EBF2: variants seen among roughly 807,000 people sequenced by gnomAD.
EBF2 encodes the protein transcription factor COE2.
Under a neutral mutation model 72.8 loss-of-function variants are expected in EBF2, and 21 were observed. That is an observed-to-expected ratio of 0.29 (90% CI 0.20 to 0.42). EBF2 has a LOEUF of 0.42. Ranked by LOEUF, EBF2 falls within the 10% of genes least tolerant of loss-of-function variation. EBF2 has a pLI of 1.00. For missense variants in EBF2, 637 were observed against 731.2 expected (o/e 0.87, Z 1.49); for synonymous variants, 299 against 274.2 (o/e 1.09, Z -0.89).
At chr8:25,907,419 C>CAAAAAAAAAAAAAA (rs55695734) in intron 7 of EBF2, among the ~76,000 whole-genome samples, 2 of 28,874 alleles carry the variant, frequency 6.9e-5, no homozygotes, top group Non-Finnish European at 1.3e-4. Flanking sequence ...GACCCTGCCT[C>CAAAAAAAAAAAAAA]AAAAAAAAAA....
At chr8:25,892,780 G>T (rs1802807195) in intron 7 of EBF2, among the ~76,000 whole-genome samples, 2 of 152,158 alleles carry the variant, frequency 1.3e-5, no homozygotes, top group African/African-American at 4.8e-5. Context: ...TCTAATATGT[G>T]ACAGGGCCCA....
At chr8:25,920,025 A>AT (rs368212418) in intron 6 of EBF2, among the ~76,000 whole-genome samples, 28 of 149,314 alleles carry the variant, frequency 1.9e-4, no homozygotes, top group African/African-American at 4.2e-4. Flanking sequence ...TGGTTCAGGA[A>AT]TTTTTTTTTT....
chr8:25,917,647 C>A (rs1803241641), intron 6 of EBF2, among the ~76,000 whole-genome samples: 1 of 152,122 alleles, frequency 6.6e-6, no homozygotes, highest in African/African-American at 2.4e-5. Context: ...AATCTATTTC[C>A]CTTGCCAGTA....
intron 15 of EBF2, among the ~76,000 whole-genome samples, chr8:25,847,273 C>G (rs1159533329): frequency 6.6e-6 from 1 of 152,162 alleles, no homozygotes; most frequent in African/African-American, 2.4e-5. Flanking sequence ...CTGCGATCAC[C>G]CAGGCACTCA....
chr8:26,023,937 A>C (rs1278915165), intron 6 of EBF2, among the ~76,000 whole-genome samples: 1 of 152,176 alleles, frequency 6.6e-6, no homozygotes, highest in Non-Finnish European at 1.5e-5. Flanking sequence ...CTGTCTCCAA[A>C]ATACCAGCCT....
intron 5 of EBF2, among the ~76,000 whole-genome samples, chr8:26,038,039 C>T (rs1257572376): frequency 6.6e-6 from 1 of 152,216 alleles, no homozygotes; most frequent in Non-Finnish European, 1.5e-5. Context: ...TTGACTGCTA[C>T]AACTGGCTCT....
At chr8:25,994,753 CAAAT>C (rs1271057510) in intron 6 of EBF2, among the ~76,000 whole-genome samples, 1 of 152,068 alleles carries the variant, frequency 6.6e-6, no homozygotes, top group Non-Finnish European at 1.5e-5. Flanking sequence ...CACATGGACA[CAAAT>C]AAGGGAACAA....
At chr8:25,927,314 A>G (rs1803403288) in intron 6 of EBF2, among the ~76,000 whole-genome samples, 1 of 150,508 alleles carries the variant, frequency 6.6e-6, no homozygotes, top group Non-Finnish European at 1.5e-5. Flanking sequence ...ATATATCTAG[A>G]TATCATGTAT....
intron 6 of EBF2, among the ~76,000 whole-genome samples, chr8:26,005,175 G>C (rs1394576752): frequency 3.1e-5 from 4 of 127,660 alleles, no homozygotes; most frequent in African/African-American, 6.0e-5. Context: ...TAAGAAGTTA[G>C]TTAGATATAA....
chr8:25,866,222 C>A (rs1473123465), intron 10 of EBF2, among the ~76,000 whole-genome samples: 1 of 151,662 alleles, frequency 6.6e-6, no homozygotes, highest in African/African-American at 2.4e-5. Flanking sequence ...TAAAACTTCC[C>A]AAACAATGCC....
intron 1 of EBF2, among the ~76,000 whole-genome samples, chr8:26,043,591 G>T (rs1179351498): frequency 4.6e-5 from 7 of 152,246 alleles, no homozygotes; most frequent in African/African-American, 1.7e-4. Context: ...CCACAGGAGG[G>T]AGGGAACCGC....
intron 6 of EBF2, among the ~76,000 whole-genome samples, chr8:26,008,641 A>AC (rs1804922456): frequency 6.6e-6 from 1 of 152,128 alleles, no homozygotes; most frequent in Non-Finnish European, 1.5e-5. Context: ...TTCCCATTTG[A>AC]TTTTTTCCTT....
At chr8:26,022,763 A>C (rs1805224172) in intron 6 of EBF2, among the ~76,000 whole-genome samples, 1 of 152,194 alleles carries the variant, frequency 6.6e-6, no homozygotes. Flanking sequence ...AGGTTACAAC[A>C]AAACTTCTTG....
intron 5 of EBF2, among the ~76,000 whole-genome samples, chr8:26,038,706 C>A (rs1805547008): frequency 6.6e-6 from 1 of 152,222 alleles, no homozygotes; most frequent in Admixed American, 6.5e-5. Flanking sequence ...GAGTATCTAT[C>A]TTCTTACTCC....
chr8:26,021,602 CT>C (rs1246726678), intron 6 of EBF2, among the ~76,000 whole-genome samples: 2 of 152,130 alleles, frequency 1.3e-5, no homozygotes, highest in East Asian at 3.8e-4. Flanking sequence ...AATTATTTTT[CT>C]GTGGAGGTAT....
At chr8:25,992,729 T>C (rs2117211426) in intron 6 of EBF2, among the ~76,000 whole-genome samples, 1 of 151,958 alleles carries the variant, frequency 6.6e-6, no homozygotes, top group Non-Finnish European at 1.5e-5. Flanking sequence ...ATGGTGAGAC[T>C]TCATCGCTAC....
At chr8:25,911,887 G>C (rs190128349) in intron 6 of EBF2, among the ~76,000 whole-genome samples, 19 of 152,292 alleles carry the variant, frequency 1.2e-4, no homozygotes, top group Non-Finnish European at 2.1e-4. Context: ...AGGACATCCA[G>C]GGTGACGCCG....
At chr8:25,846,467 C>G (rs112976347) in intron 15 of EBF2, among the ~76,000 whole-genome samples, 1 of 151,988 alleles carries the variant, frequency 6.6e-6, no homozygotes, top group Admixed American at 6.6e-5. Flanking sequence ...GTGGGAGGAT[C>G]GCTTGAGCCC....
At chr8:25,913,653 G>T (rs567013782) in intron 6 of EBF2, among the ~76,000 whole-genome samples, 1 of 152,196 alleles carries the variant, frequency 6.6e-6, no homozygotes, top group East Asian at 1.9e-4. Flanking sequence ...TACATCACAG[G>T]GATGAGAACA....
Sources: allele counts gnomAD v4.1 joint callset (sites outside exome capture counted in the v4.1 genomes callset), GRCh38; gene constraint gnomAD v4.1.1; transcripts MANE v1.5; gene names NCBI Gene and HGNC (gene_info 2026-07-23, HGNC 2026-07-21).